The following STAB2 variants were observed in gnomAD, a reference collection of about 807,000 sequenced individuals.
The protein encoded by STAB2 is stabilin-2.
Under a neutral mutation model 338.1 loss-of-function variants are expected in STAB2, and 288 were observed. The ratio of observed to expected loss-of-function variants is 0.85; its 90% CI spans 0.77 to 0.94. The LOEUF (loss-of-function observed/expected upper bound fraction) is 0.94, where lower values mean the gene tolerates loss of function less well. STAB2 is among the 40% of genes least tolerant of loss of function. The pLI is 0.00. For synonymous variants in STAB2, 1,202 were observed against 1,193.3 expected, an observed-to-expected ratio of 1.01 and a Z score of -0.15; for missense variants, 3,141 against 3,210.1, an observed-to-expected ratio of 0.98 and a Z score of 0.52.
In STAB2 at chr12:103,742,596, C is replaced by T. The variant is rs190203821; in HGVS notation, c.6031+42C>T. 31 of 1,611,650 alleles carry T rather than the reference C, an allele frequency of 1.9e-5. No homozygotes were observed. The African/African-American group carries it at 3.9e-4, about 20-fold the overall frequency. On this transcript the variant is annotated intron_variant, in intron 56 of 68. Coordinates refer to ENST00000388887, the MANE Select transcript of STAB2 (RefSeq NM_017564.10). The stretch of plus-strand genomic sequence containing the variant: ...CTCCGTGCTAGAGCTTGTTTTTTGA[C>T]TGTGTGCTCCCTGTCCTTGTTCATG...
chr12:103,730,286 C>G, intron 49 of STAB2, 30 bp downstream of exon 49: 1 of 1,609,926 alleles, frequency 6.2e-7, no homozygotes, highest in Non-Finnish European at 8.5e-7. Context: ...TGTTTTCAGC[C>G]TGGAGTGACT....
intron 10 of STAB2, 126 bp downstream of exon 10, chr12:103,648,949 T>A: frequency 7.5e-7 from 1 of 1,338,670 alleles, no homozygotes; most frequent in Non-Finnish European, 1.0e-6. Flanking sequence ...TTTGGAGGGG[T>A]CATGCAGGTG....
In STAB2 at chr12:103,711,525, C is replaced by T. The variant is rs745574973; in HGVS notation, c.4334+9C>T. 12 of 1,613,916 alleles carry T rather than the reference C, an allele frequency of 7.4e-6. No individual in the cohort carries two copies. The South Asian group carries it at 1.2e-4, about 16-fold the overall frequency. Reference sequence around the variant, plus strand: ...TGCCATACCAGCGCCAAGTAGGTAGCCCTGGGCCACCTCTGGGGACAGTGT... The same window carrying T: ...TGCCATACCAGCGCCAAGTAGGTAGTCCTGGGCCACCTCTGGGGACAGTGT... On this transcript the variant is annotated intron_variant, in intron 40 of 68. Coordinates refer to ENST00000388887, the MANE Select transcript of STAB2 (RefSeq NM_017564.10).
Position 103,689,922 on chromosome 12 carries a change from A to T in STAB2, c.3122A>T (p.Asp1041Val), listed in dbSNP as rs772244179. 4.3e-6 allele frequency: 7 copies of T among 1,614,210 alleles called. No individual in the cohort carries two copies. The highest frequency in any genetic ancestry group is 5.9e-6 in the Non-Finnish European group (7 of 1,180,022). ...VLVPSQQATE[D>V]MDQDEKSFWL... ...GTGCCTTCCCAACAAGCTACTGAGG[A>T]CATGGACCAGGATGAGAAAAGCTTC... is the stretch of plus-strand genomic sequence containing the variant. The change falls in exon 29 of 69, where the codon GAC becomes GTC. Residue 1041 changes from aspartate to valine, a missense_variant. Asp to Val is a radical substitution (Grantham distance 152, BLOSUM62 -3). Transcript: ENST00000388887.
chr12:103,606,343 T>C (rs1312853449), intron 3 of STAB2, among the ~76,000 whole-genome samples: 2 of 152,208 alleles, frequency 1.3e-5, no homozygotes, highest in African/African-American at 2.4e-5. Flanking sequence ...CATTATATTG[T>C]TACCAATTTT....
At chr12:103,756,996 A>AATATATATATATATATAT (rs869105400) in intron 63 of STAB2, among the ~76,000 whole-genome samples, 41 of 56,280 alleles carry the variant, frequency 7.3e-4, no homozygotes, top group African/African-American at 3.0e-3. Flanking sequence ...AAGGAGGGAA[A>AATATATATATATATATAT]ATATATATAT....
intron 28 of STAB2, 107 bp from the exon 29 acceptor site, chr12:103,689,739 A>G: frequency 7.0e-7 from 1 of 1,435,436 alleles, no homozygotes; most frequent in African/African-American, 1.4e-5. Context: ...AGACCCTAGG[A>G]CCCTTCCAGT....
In STAB2 at chr12:103,638,008, C is replaced by T. The variant is rs751094565; in HGVS notation, c.710-8C>T. The T allele has an allele frequency of 6.2e-7, 1 of 1,606,032 alleles. No individual in the cohort carries two copies. The highest frequency in any genetic ancestry group is 8.5e-7 in the Non-Finnish European group (1 of 1,173,636). On this transcript the variant is annotated splice_polypyrimidine_tract_variant and splice_region_variant and intron_variant, in intron 7 of 68. Transcript: ENST00000388887. Reference sequence around the variant, plus strand: ...TAACTGCCTCTCATTTTGCTGTTGCCTCTCAAGCCATCAATCCATGTTTAC... The same window carrying T: ...TAACTGCCTCTCATTTTGCTGTTGCTTCTCAAGCCATCAATCCATGTTTAC...
intron 20 of STAB2, chr12:103,668,975 A>G (rs1593206265): frequency 7.4e-6 from 3 of 402,952 alleles, no homozygotes; most frequent in Non-Finnish European, 1.3e-5. Context: ...CACATGGCCC[A>G]CCCTCTGCCT....
At chr12:103,646,659 T>C (rs1047020680) in intron 9 of STAB2, among the ~76,000 whole-genome samples, 1 of 152,242 alleles carries the variant, frequency 6.6e-6, no homozygotes, top group African/African-American at 2.4e-5. Context: ...AAAGTGTCTC[T>C]TATTATCATC....
At chr12:103,592,159 T>G (rs189261867) in intron 2 of STAB2, 1 of 152,192 alleles carries the variant, frequency 6.6e-6, no homozygotes, top group Admixed American at 6.5e-5. Context: ...GGAGGTTAGA[T>G]TCTAATACGA....
intron 38 of STAB2, among the ~76,000 whole-genome samples, 154 bp downstream of exon 38, chr12:103,707,141 A>G (rs1305537360): frequency 6.6e-6 from 1 of 152,246 alleles, no homozygotes; most frequent in East Asian, 1.9e-4. Flanking sequence ...TTATAAGAGC[A>G]TCTGTGTTGT....
At chr12:103,694,681 A>G (rs1878247030) in intron 31 of STAB2, among the ~76,000 whole-genome samples, 1 of 152,154 alleles carries the variant, frequency 6.6e-6, no homozygotes, top group African/African-American at 2.4e-5. Flanking sequence ...TCACACTTGT[A>G]TACCCACTGC....
intron 34 of STAB2, among the ~76,000 whole-genome samples, chr12:103,701,537 A>T (rs115711537): frequency 6.6e-6 from 1 of 152,216 alleles, no homozygotes; most frequent in South Asian, 2.1e-4. Context: ...CAAAATTTCA[A>T]TGTGATCCAT....
intron 44 of STAB2, 145 bp from the exon 45 acceptor site, chr12:103,724,830 T>C: frequency 7.0e-7 from 1 of 1,437,070 alleles, no homozygotes; most frequent in Non-Finnish European, 9.3e-7. Context: ...GAAGGCAAGC[T>C]CAGGAAAAGG....
chr12:103,684,170 C>T (rs1044395527), intron 26 of STAB2, among the ~76,000 whole-genome samples: 1 of 152,180 alleles, frequency 6.6e-6, no homozygotes, highest in Admixed American at 6.5e-5. Flanking sequence ...CTTCTGTGTA[C>T]ATCTTGAGGT....
At position 103,706,793 on chromosome 12, in the gene STAB2, C is replaced by T. The variant is rs151019558; in HGVS notation, c.3998C>T (p.Thr1333Met). The change falls in exon 38 of 69, where the codon ACG becomes ATG. Residue 1333 changes from threonine (T) to methionine (M), a missense_variant and splice_region_variant. Thr to Met is a moderately conservative substitution (Grantham distance 81, BLOSUM62 -1). Transcript: ENST00000388887. ...CQPKCVRTVITRECCAGFFGP... is the reference protein window; with the variant it reads ...CQPKCVRTVIMRECCAGFFGP... ...TCAAGCTTTGTCCTTCTGTTTCAGA[C>T]GAGAGAATGCTGTGCCGGCTTCTTT... 8.5e-5 allele frequency: 137 copies of T among 1,614,232 alleles called. 1 individual carries two copies. The highest frequency in any genetic ancestry group is 3.3e-4 in the Middle Eastern group (2 of 6,062).
At chr12:103,701,253 T>C (rs960200966) in intron 34 of STAB2, among the ~76,000 whole-genome samples, 21 of 151,988 alleles carry the variant, frequency 1.4e-4, no homozygotes, top group African/African-American at 5.1e-4. Flanking sequence ...CAGTCTATCA[T>C]TGTTGGACAT....
At chr12:103,758,077 TCA>T in intron 63 of STAB2, 91 bp from the exon 64 acceptor site, 1 of 1,564,510 alleles carries the variant, frequency 6.4e-7, no homozygotes, top group South Asian at 1.2e-5. Context: ...CCATGAATAT[TCA>T]CAGATGGGTG....
Sources: allele counts gnomAD v4.1 joint callset (sites outside exome capture counted in the v4.1 genomes callset), GRCh38; gene constraint gnomAD v4.1.1; transcripts MANE v1.5; gene names NCBI Gene and HGNC (gene_info 2026-07-23, HGNC 2026-07-21).